Variants in AK5 observed in about 807,000 individuals in gnomAD.
AK5 encodes the protein adenylate kinase isoenzyme 5.
AK5 carries 27 observed loss-of-function variants against 69.5 expected under a neutral mutation model. The ratio of observed to expected loss-of-function variants is 0.39; its 90% CI spans 0.29 to 0.54. The LOEUF is 0.54. AK5 is among the 20% of genes least tolerant of loss of function. The probability of loss-of-function intolerance (pLI) is 0.71; values close to 1 mark genes in which losing one functional copy is unlikely to be tolerated. For missense variants in AK5, 531 were observed against 700.4 expected (o/e 0.76, Z 2.73); for synonymous variants, 260 against 244.4 (o/e 1.06, Z -0.60).
intron 6 of AK5, among the ~76,000 whole-genome samples, chr1:77,378,508 T>C (rs931660141): frequency 6.6e-6 from 1 of 152,134 alleles, no homozygotes; most frequent in African/African-American, 2.4e-5. Context: ...TTAGAAGAGA[T>C]AGGGTTTCAC....
chr1:77,516,973 AG>A (rs1224810139), intron 10 of AK5, among the ~76,000 whole-genome samples: 3 of 151,566 alleles, frequency 2.0e-5, no homozygotes, highest in Non-Finnish European at 4.4e-5. Context: ...TGGGAGGCTG[AG>A]GCAGGAGAAT....
chr1:77,539,694 C>T (rs1398998371), intron 13 of AK5, among the ~76,000 whole-genome samples: 1 of 152,182 alleles, frequency 6.6e-6, no homozygotes, highest in African/African-American at 2.4e-5. Flanking sequence ...GCCACTGGCC[C>T]ACTCTGTTGT....
chr1:77,319,883 G>T (rs1222821058), intron 5 of AK5, among the ~76,000 whole-genome samples: 1 of 152,174 alleles, frequency 6.6e-6, no homozygotes, highest in Non-Finnish European at 1.5e-5. Flanking sequence ...TGTGCCCCAC[G>T]TTATGAGAAA....
chr1:77,307,717 A>G (rs974808826), intron 5 of AK5, among the ~76,000 whole-genome samples: 3 of 152,140 alleles, frequency 2.0e-5, no homozygotes, highest in African/African-American at 7.2e-5. Context: ...GAAGTCTCCA[A>G]TGCTTCTTCT....
At chr1:77,342,768 T>C (rs578238537) in intron 6 of AK5, among the ~76,000 whole-genome samples, 1 of 152,272 alleles carries the variant, frequency 6.6e-6, no homozygotes, top group African/African-American at 2.4e-5. Context: ...AATAAGCATG[T>C]TAAGATTTTA....
chr1:77,285,998 A>G (rs1023195092), intron 1 of AK5, among the ~76,000 whole-genome samples: 1 of 152,128 alleles, frequency 6.6e-6, no homozygotes, highest in African/African-American at 2.4e-5. Context: ...GCATAACCGA[A>G]TGGTTTCAGT....
chr1:77,332,649 G>A (rs1330056376), intron 5 of AK5, among the ~76,000 whole-genome samples: 1 of 148,664 alleles, frequency 6.7e-6, no homozygotes, highest in Non-Finnish European at 1.5e-5. Context: ...TATTTATGCC[G>A]AGCTTATTTC....
chr1:77,490,857 C>G (rs1299494212), intron 10 of AK5, among the ~76,000 whole-genome samples: 2 of 151,116 alleles, frequency 1.3e-5, no homozygotes, highest in African/African-American at 4.9e-5. Flanking sequence ...TTTCCCTTCT[C>G]CATTTTTCAT....
intron 6 of AK5, among the ~76,000 whole-genome samples, chr1:77,357,599 G>A (rs1011562939): frequency 6.6e-6 from 1 of 152,166 alleles, no homozygotes; most frequent in Non-Finnish European, 1.5e-5. Context: ...TAGGTACCTG[G>A]TGATCAATTC....
At chr1:77,522,887 G>A (rs536246881) in intron 12 of AK5, among the ~76,000 whole-genome samples, 17 of 151,100 alleles carry the variant, frequency 1.1e-4, no homozygotes, top group African/African-American at 2.4e-4. Context: ...CAGTTTTCTC[G>A]TTTTTTTTTA....
intron 10 of AK5, among the ~76,000 whole-genome samples, chr1:77,506,720 C>T (rs987796325): frequency 6.6e-6 from 1 of 152,070 alleles, no homozygotes; most frequent in Non-Finnish European, 1.5e-5. Context: ...TTAATGGGGC[C>T]GGGCACGGTG....
chr1:77,469,463 GC>G (rs1654332397), intron 8 of AK5, among the ~76,000 whole-genome samples: 1 of 152,194 alleles, frequency 6.6e-6, no homozygotes, highest in Admixed American at 6.5e-5. Flanking sequence ...GAGAGCTCTT[GC>G]CCAACAGTTT....
chr1:77,383,655 C>A (rs1282545992), intron 6 of AK5, among the ~76,000 whole-genome samples: 1 of 152,028 alleles, frequency 6.6e-6, no homozygotes, highest in Admixed American at 6.5e-5. Flanking sequence ...GTTTCTGACC[C>A]TAATGTTGAA....
At chr1:77,533,405 A>G (rs1296903545) in intron 12 of AK5, among the ~76,000 whole-genome samples, 10 of 150,528 alleles carry the variant, frequency 6.6e-5, no homozygotes, top group African/African-American at 2.4e-4. Flanking sequence ...AATCCCAGCT[A>G]CTTGGGAGGC....
At chr1:77,520,656 A>T (rs1159153777) in intron 11 of AK5, among the ~76,000 whole-genome samples, 1 of 152,162 alleles carries the variant, frequency 6.6e-6, no homozygotes, top group Admixed American at 6.5e-5. Flanking sequence ...ACTTTATCAG[A>T]TGCCTTCCCT....
At chr1:77,381,109 A>G (rs918231978) in intron 6 of AK5, among the ~76,000 whole-genome samples, 1 of 152,154 alleles carries the variant, frequency 6.6e-6, no homozygotes, top group Non-Finnish European at 1.5e-5. Context: ...GAATTTGTAC[A>G]TTGGAACCTA....
intron 6 of AK5, among the ~76,000 whole-genome samples, chr1:77,394,048 C>T (rs2100533241): frequency 6.6e-6 from 1 of 151,976 alleles, no homozygotes; most frequent in South Asian, 2.1e-4. Flanking sequence ...AACCCTGTCT[C>T]TACTAAAAAT....
chr1:77,296,414 C>G (rs918558575), intron 3 of AK5, among the ~76,000 whole-genome samples: 1 of 152,132 alleles, frequency 6.6e-6, no homozygotes, highest in Non-Finnish European at 1.5e-5. Flanking sequence ...TTAAGCTCAT[C>G]CAACAAATTA....
At chr1:77,492,754 T>G (rs1406379142) in intron 10 of AK5, among the ~76,000 whole-genome samples, 1 of 152,152 alleles carries the variant, frequency 6.6e-6, no homozygotes, top group Non-Finnish European at 1.5e-5. Flanking sequence ...AAGGAAAGTC[T>G]GTGCACTTGT....
Sources: gnomAD v4.1 joint callset for allele counts (sites outside exome capture counted in the v4.1 genomes callset) on GRCh38, gnomAD v4.1.1 for gene constraint, MANE v1.5 for transcripts, NCBI Gene and HGNC (gene_info 2026-07-23, HGNC 2026-07-21) for gene names.